CLN8: variants seen among roughly 807,000 people sequenced by gnomAD.
The protein encoded by CLN8 is protein CLN8.
In CLN8, 14 loss-of-function variants were observed where a neutral mutation model predicts 15.7. That is an observed-to-expected ratio of 0.89 (90% CI 0.59 to 1.39). The LOEUF (loss-of-function observed/expected upper bound fraction) is 1.39, where lower values mean the gene tolerates loss of function less well. Ranked by LOEUF, CLN8 falls within the 40% of genes most tolerant of loss-of-function variation. CLN8 has a pLI of 0.00. For missense variants in CLN8, 415 were observed against 364.0 expected (o/e 1.14, Z -1.14); for synonymous variants, 188 against 151.0 (o/e 1.25, Z -1.80).
chr8:1,768,932 A>T (rs1157408595), intron 1 of CLN8, among the ~76,000 whole-genome samples: 1 of 152,210 alleles, frequency 6.6e-6, no homozygotes, highest in Non-Finnish European at 1.5e-5. Flanking sequence ...AGTGTGGGTC[A>T]CGAGGGCACA....
intron 1 of CLN8, among the ~76,000 whole-genome samples, chr8:1,767,038 A>T (rs1484544772): frequency 2.6e-5 from 4 of 152,228 alleles, no homozygotes; most frequent in Non-Finnish European, 5.9e-5. Flanking sequence ...GCAGGACTCC[A>T]GGAAGACTGG....
rs769022013 is a variant in CLN8 at position 1,782,618 on chromosome 8, C to T, written c.*2051C>T. The stretch of plus-strand genomic sequence containing the variant: ...CCTGGCAGGCAGCACTCTCTGCAGC[C>T]GTGCCCTTGTGGAGTCAGCAGGAGC... On this transcript the variant is annotated 3_prime_UTR_variant, in exon 3 of 3. Transcript: ENST00000331222. 10 of 152,334 alleles carry T rather than the reference C, an allele frequency of 6.6e-5. No homozygotes were observed. In the East Asian group the frequency reaches 1.2e-3, roughly 18 times the overall value. The allele number at this position is 152,334 out of a possible 1,614,324, so 9.4% of individuals were successfully genotyped here. A position where few individuals can be genotyped will look rare whatever the true frequency, so the allele number is the denominator to read the frequency against.
At chr8:1,775,559 T>A (rs957868199) in intron 2 of CLN8, among the ~76,000 whole-genome samples, 1 of 152,220 alleles carries the variant, frequency 6.6e-6, no homozygotes, top group South Asian at 2.1e-4. Flanking sequence ...AAACTTAAGG[T>A]AGTGATTGCA....
rs538086145 is a variant in CLN8, at chr8:1,775,534, A to G, written c.543+3937A>G. On this transcript the variant is annotated intron_variant, in intron 2 of 2. Transcript: ENST00000331222. Reference sequence around the variant, plus strand: ...AAACCAAAGAACTCTTCGGTTCTCAAGCTTTGAGTTTTCTAAACTTAAGGT... The same window carrying G: ...AAACCAAAGAACTCTTCGGTTCTCAGGCTTTGAGTTTTCTAAACTTAAGGT... Among the ~76,000 whole-genome samples the G allele has an allele frequency of 1.9e-3, 290 of 152,346 alleles. 2 individuals are homozygous for G. The highest frequency in any genetic ancestry group is 6.8e-3 in the African/African-American group (283 of 41,570).
intron 1 of CLN8, chr8:1,758,435 G>C (rs999821074): frequency 2.6e-5 from 4 of 152,182 alleles, no homozygotes; most frequent in African/African-American, 9.7e-5. Flanking sequence ...TGCATAAGGT[G>C]GTTGGGTTCT....
chr8:1,755,251 C>G (rs889886450), upstream of CLN8, among the ~76,000 whole-genome samples: 3 of 152,202 alleles, frequency 2.0e-5, no homozygotes, highest in Admixed American at 1.3e-4. Context: ...ATGGGTTAGT[C>G]TAACTAACAG....
rs111585336 is a variant in CLN8 at position 1,780,100 on chromosome 8, A to G, written c.544-150A>G. The G allele has an allele frequency of 7.5e-4, 1,130 of 1,505,280 alleles. 3 individuals carry two copies. The highest frequency in any genetic ancestry group is 2.8e-3 in the South Asian group (217 of 76,982). 93.2% of individuals were successfully genotyped at this position (1,505,280 alleles called of 1,614,324 possible). A position where few individuals can be genotyped will look rare whatever the true frequency, so the allele number is the denominator to read the frequency against. ...GGCCTCCTTTCAGAATGAAGTCCCA[A>G]TGAGAGCAGAGCCCTGGGGAGGAAA... On this transcript the variant is annotated intron_variant, in intron 2 of 2. Transcript: ENST00000331222.
upstream of CLN8, among the ~76,000 whole-genome samples, chr8:1,753,300 G>A: frequency 9.2e-6 from 1 of 108,744 alleles, no homozygotes; most frequent in Non-Finnish European, 2.0e-5. Context: ...GCTGGGCGCG[G>A]TGGCTCATGC....
At chr8:1,766,010 C>A (rs1029235751) in intron 1 of CLN8, among the ~76,000 whole-genome samples, 1 of 152,166 alleles carries the variant, frequency 6.6e-6, no homozygotes, top group Non-Finnish European at 1.5e-5. Flanking sequence ...GTTTAGCCCC[C>A]ATAAACCGGA....
upstream of CLN8, among the ~76,000 whole-genome samples, chr8:1,761,475 C>T (rs1221686177): frequency 6.6e-6 from 1 of 152,194 alleles, no homozygotes; most frequent in Admixed American, 6.5e-5. Flanking sequence ...CAGGCGTGCA[C>T]CACCACGCCT....
At chr8:1,777,641 C>A (rs1801570888) in intron 2 of CLN8, among the ~76,000 whole-genome samples, 1 of 152,006 alleles carries the variant, frequency 6.6e-6, no homozygotes, top group African/African-American at 2.4e-5. Flanking sequence ...TTGTTGAAAT[C>A]TAAGATGCAA....
chr8:1,758,039 G>T (rs567492379), intron 1 of CLN8, among the ~76,000 whole-genome samples: 2 of 151,692 alleles, frequency 1.3e-5, no homozygotes, highest in Non-Finnish European at 2.9e-5. Context: ...GTAACACCCA[G>T]CATAGAGATC....
At chr8:1,761,125 T>C (rs1316716258), upstream of CLN8, among the ~76,000 whole-genome samples, 1 of 148,274 alleles carries the variant, frequency 6.7e-6, no homozygotes, top group Non-Finnish European at 1.5e-5. Context: ...GTTCAGGCAA[T>C]TCTCCTGCCT....
chr8:1,780,854 C>A lies in CLN8; in HGVS notation c.*287C>A, dbSNP rs560199629. The A allele has an allele frequency of 2.0e-6, 1 of 507,778 alleles. No individual in the cohort carries two copies. The highest frequency in any genetic ancestry group is 3.5e-6 in the Non-Finnish European group (1 of 284,406). 31.5% of individuals were successfully genotyped at this position (507,778 alleles called of 1,614,324 possible). ...GGTGTCCAGGCATCGGGGCGTCACACCTGTTGAGGAGTGGGGTGGCTTTGA... is the reference window on the plus strand; with the variant it reads ...GGTGTCCAGGCATCGGGGCGTCACAACTGTTGAGGAGTGGGGTGGCTTTGA... On this transcript the variant is annotated 3_prime_UTR_variant, in exon 3 of 3. Transcript: ENST00000331222.
chr8:1,760,107 C>T (rs960728854), upstream of CLN8: 2 of 152,176 alleles, frequency 1.3e-5, no homozygotes, highest in African/African-American at 4.8e-5. Context: ...CTCATGGCAT[C>T]GTACTTCAAA....
intron 2 of CLN8, 104 bp downstream of exon 2, chr8:1,771,701 G>T: frequency 2.0e-6 from 2 of 1,002,722 alleles, no homozygotes. Context: ...CTGGATTGCA[G>T]CACACACATT....
upstream of CLN8, among the ~76,000 whole-genome samples, chr8:1,761,308 A>G (rs1294672297): frequency 1.3e-5 from 2 of 150,480 alleles, no homozygotes; most frequent in Admixed American, 1.3e-4. Flanking sequence ...AATTTCCCCA[A>G]GAATTCGGAG....
At position 1,783,811 on chromosome 8, in the gene CLN8, G is replaced by T. The variant is rs546107642; in HGVS notation, c.*3244G>T. ...GATTCCACTTCTGTCGAGGAGCTTC[G>T]GGGCTCAGAGAGGTGATGACGTGCC... On this transcript the variant is annotated 3_prime_UTR_variant, in exon 3 of 3. Transcript: ENST00000331222. 1 of 152,230 alleles carries T rather than the reference G, an allele frequency of 6.6e-6. No homozygotes were observed. The highest frequency in any genetic ancestry group is 1.5e-5 in the Non-Finnish European group (1 of 68,056). The allele number at this position is 152,230 out of a possible 1,614,324, so 9.4% of individuals were successfully genotyped here.
At position 1,770,939 on chromosome 8, in the gene CLN8, A is replaced by G. The variant is rs1410788848; in HGVS notation, c.-116A>G. 1 of 893,848 alleles carries G rather than the reference A, an allele frequency of 1.1e-6. No individual in the cohort carries two copies. Among genetic ancestry groups the G allele is most frequent in the Non-Finnish European group, 1.8e-6 (1 of 549,802 alleles). 55.4% of individuals were successfully genotyped at this position (893,848 alleles called of 1,614,324 possible). A position where few individuals can be genotyped will look rare whatever the true frequency, so the allele number is the denominator to read the frequency against. On this transcript the variant is annotated 5_prime_UTR_variant, in exon 2 of 3. The change abolishes an upstream ATG in the 5' untranslated region. Coordinates refer to ENST00000331222, the MANE Select transcript of CLN8 (RefSeq NM_018941.4). ...GAATGATCTTTCTTTTAGATTGAAG[A>G]TGGATACGTGACAATCCCAGGGACC...
Sources: gnomAD v4.1 joint callset for allele counts (sites outside exome capture counted in the v4.1 genomes callset) on GRCh38, gnomAD v4.1.1 for gene constraint, MANE v1.5 for transcripts, NCBI Gene and HGNC (gene_info 2026-07-23, HGNC 2026-07-21) for gene names.